RNF125: variants seen among roughly 807,000 people sequenced by gnomAD.
RNF125 encodes the protein ring finger protein 125.
A neutral mutation model predicts 26.0 loss-of-function variants in RNF125; 21 were observed. The ratio of observed to expected loss-of-function variants is 0.81; its 90% confidence interval spans 0.57 to 1.16. The LOEUF is 1.16. Among genes scored for constraint, RNF125 ranks in the 50% most tolerant of loss-of-function variants. The pLI is 0.00. For missense variants in RNF125, 270 were observed against 299.4 expected, an observed-to-expected ratio of 0.90 and a Z score of 0.72; for synonymous variants, 95 against 109.2, an observed-to-expected ratio of 0.87 and a Z score of 0.81.
intron 4 of RNF125, among the ~76,000 whole-genome samples, chr18:32,062,935 A>T (rs954839312): frequency 3.3e-5 from 5 of 152,040 alleles, no homozygotes; most frequent in Admixed American, 3.3e-4. Context: ...AAATGAATAC[A>T]TGGGCCGGGT....
intron 1 of RNF125, among the ~76,000 whole-genome samples, chr18:32,026,242 C>CTTTTTTTTTT (rs1181390375): frequency 9.6e-5 from 7 of 73,142 alleles, no homozygotes; most frequent in African/African-American, 1.3e-4. Context: ...AGCACCCGGT[C>CTTTTTTTTTT]TTTTTTTTTT....
intron 5 of RNF125, among the ~76,000 whole-genome samples, chr18:32,066,471 A>G (rs2039486730): frequency 6.6e-6 from 1 of 152,020 alleles, no homozygotes; most frequent in Non-Finnish European, 1.5e-5. Context: ...AAAAAAAAAA[A>G]ATGAAATGCA....
At chr18:32,034,988 A>G (rs1340292714) in intron 1 of RNF125, among the ~76,000 whole-genome samples, 1 of 152,104 alleles carries the variant, frequency 6.6e-6, no homozygotes, top group Non-Finnish European at 1.5e-5. Context: ...GTTCTACGTA[A>G]AGGGAGAAAA....
At chr18:32,027,673 C>T (rs1365923879) in intron 1 of RNF125, among the ~76,000 whole-genome samples, 1 of 152,022 alleles carries the variant, frequency 6.6e-6, no homozygotes, top group Non-Finnish European at 1.5e-5. Context: ...TTCATTGGCT[C>T]TAGAATGAAC....
chr18:32,082,157 A>C, the RNF125 span, among the ~76,000 whole-genome samples: 1 of 152,148 alleles, frequency 6.6e-6, no homozygotes, highest in African/African-American at 2.4e-5. Context: ...GGATGTCACT[A>C]TCAGTACAAA....
chr18:32,033,027 G>T (rs569705776), intron 1 of RNF125, among the ~76,000 whole-genome samples: 1 of 152,248 alleles, frequency 6.6e-6, no homozygotes, highest in South Asian at 2.1e-4. Flanking sequence ...TTTGTCTGAC[G>T]ATACACAATG....
the RNF125 span, among the ~76,000 whole-genome samples, chr18:32,082,365 ATATAT>A: frequency 2.0e-5 from 3 of 152,100 alleles, no homozygotes; most frequent in South Asian, 6.2e-4. Flanking sequence ...CACACATCAT[ATATAT>A]TATATTTGTA....
intron 4 of RNF125, among the ~76,000 whole-genome samples, chr18:32,061,084 G>A (rs1479523043): frequency 6.6e-6 from 1 of 152,176 alleles, no homozygotes; most frequent in Admixed American, 6.5e-5. Context: ...GAGTGCAGTG[G>A]TGCGATCTCG....
chr18:32,077,928 A>G (rs9950947), downstream of RNF125, among the ~76,000 whole-genome samples: 22,486 of 151,820 alleles, frequency 0.15, 1,737 homozygotes, highest in East Asian at 0.26. Context: ...AGCTGGGACT[A>G]TAGGCACACA....
chr18:32,075,086 T>C (rs992438636), downstream of RNF125, among the ~76,000 whole-genome samples: 5 of 152,092 alleles, frequency 3.3e-5, no homozygotes, highest in Non-Finnish European at 7.4e-5. Context: ...TCCTGGGCCC[T>C]CTCCAGATGT....
At chr18:32,044,270 G>T (rs2039247353) in intron 3 of RNF125, among the ~76,000 whole-genome samples, 1 of 152,200 alleles carries the variant, frequency 6.6e-6, no homozygotes, top group Admixed American at 6.5e-5. Context: ...CTCCCAGAGT[G>T]CTGGGATTAC....
chr18:32,045,701 T>C lies in RNF125; in HGVS notation c.473T>C (p.Ile158Thr), dbSNP rs1241796601. The C allele has an allele frequency of 6.2e-7, 1 of 1,613,032 alleles. No homozygotes were observed. The highest frequency in any genetic ancestry group is 8.5e-7 in the Non-Finnish European group (1 of 1,179,664). ...GAAGACAGCTTGCTGGATCATTGTATTACTCATCACAGATCGGAACGGAGG... is the reference window on the plus strand; with the variant it reads ...GAAGACAGCTTGCTGGATCATTGTACTACTCATCACAGATCGGAACGGAGG... ...LYEDSLLDHC[I>T]THHRSERRPV... The change falls in exon 4 of 6, where the codon ATT (isoleucine) becomes ACT (threonine). Residue 158 changes from isoleucine to threonine, a missense_variant. Physicochemically the swap from Ile to Thr is moderately conservative, Grantham distance 89. Coordinates refer to ENST00000217740, the MANE Select transcript of RNF125 (RefSeq NM_017831.4).
At chr18:32,030,575 A>G (rs1476857696) in intron 1 of RNF125, among the ~76,000 whole-genome samples, 2 of 152,222 alleles carry the variant, frequency 1.3e-5, no homozygotes, top group African/African-American at 4.8e-5. Context: ...CCCACTGTAA[A>G]CCAAAAATAA....
chr18:32,083,041 C>T, the RNF125 span, among the ~76,000 whole-genome samples: 16 of 152,270 alleles, frequency 1.1e-4, no homozygotes, highest in Admixed American at 9.8e-4. Flanking sequence ...CCAAATGATG[C>T]CCATGAGATG....
At chr18:32,032,882 C>T (rs369713889) in intron 1 of RNF125, among the ~76,000 whole-genome samples, 13 of 152,056 alleles carry the variant, frequency 8.5e-5, no homozygotes, top group East Asian at 3.9e-4. Flanking sequence ...CAAAACAAAA[C>T]GAAAAAACCC....
chr18:32,036,911 G>T (rs1404987705), intron 1 of RNF125, among the ~76,000 whole-genome samples: 15 of 152,030 alleles, frequency 9.9e-5, no homozygotes, highest in Non-Finnish European at 2.1e-4. Context: ...AAGTGCATGT[G>T]GTAAGAATGT....
chr18:32,079,327 C>T, the RNF125 span, among the ~76,000 whole-genome samples: 1 of 152,188 alleles, frequency 6.6e-6, no homozygotes, highest in Non-Finnish European at 1.5e-5. Flanking sequence ...AATTACCATC[C>T]AAATGCCCCA....
At chr18:32,035,375 TAA>T (rs2039142839) in intron 1 of RNF125, among the ~76,000 whole-genome samples, 2 of 151,242 alleles carry the variant, frequency 1.3e-5, no homozygotes, top group Non-Finnish European at 2.9e-5. Flanking sequence ...AAGAAAAAAA[TAA>T]AGAGGAAAAA....
chr18:32,056,349 C>T (rs336272), intron 4 of RNF125, among the ~76,000 whole-genome samples: 47,722 of 151,794 alleles, frequency 0.31, 9,068 homozygotes, highest in South Asian at 0.43. Context: ...TGGTGGCTCC[C>T]GACTGTAATC....
Sources: gnomAD v4.1 joint callset for allele counts (sites outside exome capture counted in the v4.1 genomes callset) on GRCh38, gnomAD v4.1.1 for gene constraint, MANE v1.5 for transcripts, NCBI Gene and HGNC (gene_info 2026-07-23, HGNC 2026-07-21) for gene names.